Variants in CCDC171 observed in about 807,000 individuals in gnomAD.
CCDC171 encodes coiled-coil domain-containing protein 171.
Under a neutral mutation model 168.2 loss-of-function variants are expected in CCDC171, and 177 were observed. That is an observed-to-expected ratio of 1.05 (90% confidence interval 0.93 to 1.19). The LOEUF (loss-of-function observed/expected upper bound fraction) is 1.19, where lower values mean the gene tolerates loss of function less well. Among genes scored for constraint, CCDC171 ranks in the 50% most tolerant of loss-of-function variants. The pLI is 0.00. For missense variants in CCDC171, 1,991 were observed against 1,539.0 expected (o/e 1.29, Z -4.91); for synonymous variants, 687 against 540.8 (o/e 1.27, Z -3.75).
chr9:15,581,248 G>T (rs1382896080), intron 4 of CCDC171, among the ~76,000 whole-genome samples: 2 of 152,144 alleles, frequency 1.3e-5, no homozygotes, highest in African/African-American at 4.8e-5. Flanking sequence ...TTTTCAAGGA[G>T]AACTACAAAC....
At chr9:16,095,223 G>C in the CCDC171 span, among the ~76,000 whole-genome samples, 1 of 152,180 alleles carries the variant, frequency 6.6e-6, no homozygotes, top group African/African-American at 2.4e-5. Context: ...TCCCTCAGGA[G>C]CAGTTGTGCC....
At chr9:15,823,414 C>G (rs571612793) in intron 21 of CCDC171, among the ~76,000 whole-genome samples, 7 of 152,074 alleles carry the variant, frequency 4.6e-5, no homozygotes, top group Admixed American at 4.6e-4. Context: ...CAGATGTTTT[C>G]TCTTCATATA....
At chr9:15,849,231 A>G (rs2061026552) in intron 23 of CCDC171, among the ~76,000 whole-genome samples, 1 of 150,956 alleles carries the variant, frequency 6.6e-6, no homozygotes, top group Non-Finnish European at 1.5e-5. Flanking sequence ...AGCAGAGGTC[A>G]TTAAGATCCT....
chr9:15,761,846 A>G (rs1389424180), intron 18 of CCDC171, among the ~76,000 whole-genome samples: 1 of 151,350 alleles, frequency 6.6e-6, no homozygotes, highest in Non-Finnish European at 1.5e-5. Flanking sequence ...TATTTTTTCA[A>G]ACATTTTATG....
chr9:15,755,947 A>G (rs2056083556), intron 18 of CCDC171, among the ~76,000 whole-genome samples: 2 of 152,262 alleles, frequency 1.3e-5, no homozygotes, highest in South Asian at 2.1e-4. Context: ...GGCAAACTGT[A>G]TGATGTTTAA....
intron 6 of CCDC171, among the ~76,000 whole-genome samples, chr9:15,610,344 T>A (rs2043560156): frequency 6.8e-6 from 1 of 147,412 alleles, no homozygotes; most frequent in Non-Finnish European, 1.5e-5. Context: ...CGATGGCTCA[T>A]GCCTGTAATC....
intron 18 of CCDC171, among the ~76,000 whole-genome samples, chr9:15,763,671 A>G (rs1477938186): frequency 3.3e-5 from 5 of 152,168 alleles, no homozygotes; most frequent in Admixed American, 1.3e-4. Context: ...CATACAATAT[A>G]TATTCTTATA....
chr9:16,027,676 A>G (rs1308908756), intron 6 of CCDC171, among the ~76,000 whole-genome samples: 1 of 152,182 alleles, frequency 6.6e-6, no homozygotes, highest in Non-Finnish European at 1.5e-5. Context: ...ACGGCACAAA[A>G]CATTAATCAG....
intron 11 of CCDC171, among the ~76,000 whole-genome samples, chr9:15,715,042 A>G (rs1446334420): frequency 2.0e-5 from 3 of 152,190 alleles, no homozygotes; most frequent in Non-Finnish European, 2.9e-5. Flanking sequence ...AATCACTTGC[A>G]CTAAATTCAG....
At chr9:15,921,697 T>C (rs1345528392) in intron 25 of CCDC171, among the ~76,000 whole-genome samples, 2 of 151,708 alleles carry the variant, frequency 1.3e-5, no homozygotes, top group African/African-American at 4.8e-5. Context: ...GTTTTTAAAA[T>C]GACTTTGTTA....
chr9:15,894,851 T>C (rs1232186345), intron 24 of CCDC171, among the ~76,000 whole-genome samples: 1 of 152,120 alleles, frequency 6.6e-6, no homozygotes, highest in Non-Finnish European at 1.5e-5. Context: ...ACGTAATATG[T>C]TTGGCTGTTA....
intron 7 of CCDC171, among the ~76,000 whole-genome samples, chr9:15,644,741 A>G (rs1490274663): frequency 6.6e-6 from 1 of 152,208 alleles, no homozygotes; most frequent in Admixed American, 6.5e-5. Context: ...ACAAAGTGGC[A>G]GGGAAGCTCA....
intron 21 of CCDC171, among the ~76,000 whole-genome samples, chr9:15,822,071 A>G (rs1176368866): frequency 6.6e-6 from 1 of 152,244 alleles, no homozygotes; most frequent in African/African-American, 2.4e-5. Flanking sequence ...TGAGAAAAAC[A>G]AGAAATGTGG....
chr9:15,573,962 A>G (rs2040435307), intron 3 of CCDC171, among the ~76,000 whole-genome samples: 1 of 152,154 alleles, frequency 6.6e-6, no homozygotes. Context: ...TAGATTTCTC[A>G]GCAGAACACA....
intron 11 of CCDC171, among the ~76,000 whole-genome samples, chr9:15,703,250 C>T (rs1487400468): frequency 1.3e-5 from 2 of 152,162 alleles, no homozygotes; most frequent in East Asian, 3.9e-4. Context: ...AATGTTGTGG[C>T]TGGTTTGATC....
At chr9:15,901,364 A>C (rs1163261230) in intron 24 of CCDC171, among the ~76,000 whole-genome samples, 2 of 152,206 alleles carry the variant, frequency 1.3e-5, no homozygotes, top group Admixed American at 6.5e-5. Context: ...ATGTGTCAGC[A>C]TAGGTTCATT....
At chr9:16,008,905 G>A (rs573032227) in intron 3 of CCDC171, among the ~76,000 whole-genome samples, 3 of 152,294 alleles carry the variant, frequency 2.0e-5, no homozygotes, top group Non-Finnish European at 4.4e-5. Flanking sequence ...TGGCCATCAT[G>A]TGAATTCCAG....
chr9:16,058,983 G>T (rs1418356752), intron 1 of CCDC171, among the ~76,000 whole-genome samples: 2 of 152,176 alleles, frequency 1.3e-5, no homozygotes, highest in Non-Finnish European at 2.9e-5. Flanking sequence ...TTCCCACAAT[G>T]CATTCCTGTC....
chr9:15,842,380 C>A (rs1376150265), intron 21 of CCDC171, among the ~76,000 whole-genome samples: 1 of 151,962 alleles, frequency 6.6e-6, no homozygotes, highest in African/African-American at 2.4e-5. Context: ...ATATGCATAC[C>A]CTTTAAGATA....
Sources: allele counts gnomAD v4.1 joint callset (sites outside exome capture counted in the v4.1 genomes callset), GRCh38; gene constraint gnomAD v4.1.1; transcripts MANE v1.5; gene names NCBI Gene and HGNC (gene_info 2026-07-23, HGNC 2026-07-21).